The following TBC1D1 variants were observed in gnomAD, a reference collection of about 807,000 sequenced individuals.
TBC1D1 encodes TBC1 (tre-2/USP6, BUB2, cdc16) domain family, member 1.
TBC1D1 carries 89 observed loss-of-function variants against 125.6 expected under a neutral mutation model. The observed-to-expected ratio is 0.71, with a 90% CI of 0.60 to 0.85. The LOEUF is 0.85. Among genes scored for constraint, TBC1D1 ranks in the 40% least tolerant of loss-of-function variants. The probability of loss-of-function intolerance (pLI) is 0.00; values close to 1 mark genes in which losing one functional copy is unlikely to be tolerated. For synonymous variants in TBC1D1, 565 were observed against 564.1 expected (o/e 1.00, Z -0.02); for missense variants, 1,377 against 1,469.2 (o/e 0.94, Z 1.03).
At chr4:37,960,564 C>T (rs764174116) in intron 2 of TBC1D1, 20 of 1,614,022 alleles carry the variant, frequency 1.2e-5, no homozygotes, top group African/African-American at 2.7e-5. Flanking sequence ...AGTTTTAACA[C>T]GACGTTTTGG....
At chr4:37,975,989 A>G (rs986821312) in intron 2 of TBC1D1, among the ~76,000 whole-genome samples, 1 of 151,984 alleles carries the variant, frequency 6.6e-6, no homozygotes, top group African/African-American at 2.4e-5. Context: ...TCATGTCCTT[A>G]TATTATCTCC....
chr4:37,933,433 T>TACACACACACACACACAC (rs3038289), intron 2 of TBC1D1, among the ~76,000 whole-genome samples: 2 of 147,262 alleles, frequency 1.4e-5, no homozygotes, highest in Non-Finnish European at 3.0e-5. Flanking sequence ...ACATATGTTT[T>TACACACACACACACACAC]ACACACACAC....
chr4:37,954,926 G>A (rs909523954), intron 2 of TBC1D1, among the ~76,000 whole-genome samples: 1 of 121,632 alleles, frequency 8.2e-6, no homozygotes, highest in Non-Finnish European at 1.6e-5. Flanking sequence ...TCTCTCTGTC[G>A]TCCAGGCTGG....
rs1181142505 is a variant in TBC1D1, at chr4:38,118,108, A to C, written c.2878A>C (p.Ile960Leu). The change falls in exon 17 of 20, where the codon ATC (isoleucine) becomes CTC (leucine). Residue 960 changes from isoleucine (I) to leucine (L), a missense_variant. Coordinates refer to ENST00000261439, the MANE Select transcript of TBC1D1 (RefSeq NM_015173.4). Reference sequence around the variant, plus strand: ...CTACAATCACCTGGAGGAGCACGAGATCGGCCCCAGCCTCTACGCTGCCCC... The same window carrying C: ...CTACAATCACCTGGAGGAGCACGAGCTCGGCCCCAGCCTCTACGCTGCCCC... 6.2e-7 allele frequency: 1 copy of C among 1,613,942 alleles called. No individual in the cohort carries two copies. The highest frequency in any genetic ancestry group is 2.2e-5 in the East Asian group (1 of 44,892).
intron 2 of TBC1D1, among the ~76,000 whole-genome samples, chr4:37,966,554 C>T (rs1016516093): frequency 1.3e-5 from 2 of 152,344 alleles, no homozygotes; most frequent in Admixed American, 6.5e-5. Context: ...TCTCTAGCTA[C>T]GCATAGAGAC....
chr4:38,072,925 C>A (rs1488047331), intron 12 of TBC1D1, among the ~76,000 whole-genome samples: 3 of 152,304 alleles, frequency 2.0e-5, no homozygotes, highest in Admixed American at 2.0e-4. Flanking sequence ...GGTTCATTCA[C>A]GTTGTAGCAT....
chr4:38,110,692 C>T (rs1458377915), intron 15 of TBC1D1: 1 of 985,434 alleles, frequency 1.0e-6, no homozygotes. Flanking sequence ...AGGTAATCTG[C>T]TTTACAGAAA....
intron 12 of TBC1D1, among the ~76,000 whole-genome samples, chr4:38,077,382 G>A (rs1755774971): frequency 6.6e-6 from 1 of 152,144 alleles, no homozygotes; most frequent in African/African-American, 2.4e-5. Context: ...CAGCTATTGA[G>A]GAGAAGAGTC....
chr4:38,128,129 G>A (rs1344621828), intron 18 of TBC1D1, among the ~76,000 whole-genome samples: 1 of 152,214 alleles, frequency 6.6e-6, no homozygotes, highest in Non-Finnish European at 1.5e-5. Context: ...ACAGGAATGA[G>A]AGCAGAGAGC....
At chr4:38,069,549 CTCTT>C (rs966264423) in intron 12 of TBC1D1, among the ~76,000 whole-genome samples, 3 of 152,164 alleles carry the variant, frequency 2.0e-5, no homozygotes, top group Non-Finnish European at 2.9e-5. Context: ...CTCTGGATCT[CTCTT>C]TGAGGCCATG....
intron 2 of TBC1D1, among the ~76,000 whole-genome samples, chr4:37,960,252 C>T (rs978508549): frequency 2.6e-5 from 4 of 152,212 alleles, no homozygotes; most frequent in African/African-American, 9.7e-5. Context: ...GAGATTCCTA[C>T]CCAGGTTTGT....
At chr4:38,002,149 C>A (rs909410473) in intron 2 of TBC1D1, among the ~76,000 whole-genome samples, 1 of 152,090 alleles carries the variant, frequency 6.6e-6, no homozygotes, top group Non-Finnish European at 1.5e-5. Flanking sequence ...TGTCTCTCAC[C>A]TAAGACTAAT....
chr4:38,053,141 A>G, intron 11 of TBC1D1: 1 of 1,533,112 alleles, frequency 6.5e-7, no homozygotes, highest in Non-Finnish European at 8.8e-7. Flanking sequence ...AAAAAACTTC[A>G]TTCTTCTTCC....
At chr4:38,088,023 C>G (rs1757831206) in intron 12 of TBC1D1, among the ~76,000 whole-genome samples, 1 of 150,302 alleles carries the variant, frequency 6.7e-6, no homozygotes, top group Non-Finnish European at 1.5e-5. Context: ...CCATGCCAGC[C>G]AGAACACATC....
At chr4:38,056,874 G>A (rs1751812325) in intron 12 of TBC1D1, among the ~76,000 whole-genome samples, 1 of 152,170 alleles carries the variant, frequency 6.6e-6, no homozygotes, top group Admixed American at 6.5e-5. Context: ...TACCTATAAA[G>A]TATTCATCAG....
chr4:38,079,748 T>C (rs1756233355), intron 12 of TBC1D1, among the ~76,000 whole-genome samples: 1 of 152,042 alleles, frequency 6.6e-6, no homozygotes. Context: ...AAGCAAGTTA[T>C]ATTACATTTT....
chr4:37,996,284 A>G lies in TBC1D1; in HGVS notation c.418-18225A>G, dbSNP rs558147091. ...CATTCACAGCCTGACTGTTATAAAT[A>G]TATATTGAAGTTATCTAACATTTAT... On this transcript the variant is annotated intron_variant, in intron 2 of 19. Coordinates refer to ENST00000261439, the MANE Select transcript of TBC1D1 (RefSeq NM_015173.4). The G allele has an allele frequency of 3.3e-5, 8 of 244,402 alleles. No individual in the cohort carries two copies. In the East Asian group the frequency reaches 7.0e-4, roughly 21 times the overall value. 15.1% of individuals were successfully genotyped at this position (244,402 alleles called of 1,614,324 possible).
intron 12 of TBC1D1, among the ~76,000 whole-genome samples, chr4:38,069,089 T>C (rs1179467231): frequency 6.6e-6 from 1 of 152,212 alleles, no homozygotes; most frequent in Non-Finnish European, 1.5e-5. Context: ...GGGACTGTCA[T>C]GTATCCAGGT....
chr4:37,947,766 G>A (rs1179210511), intron 2 of TBC1D1, among the ~76,000 whole-genome samples: 1 of 152,174 alleles, frequency 6.6e-6, no homozygotes, highest in African/African-American at 2.4e-5. Flanking sequence ...ACAAAGTAGA[G>A]GGAAGGATGG....
Sources: allele counts gnomAD v4.1 joint callset (sites outside exome capture counted in the v4.1 genomes callset), GRCh38; gene constraint gnomAD v4.1.1; transcripts MANE v1.5; gene names NCBI Gene and HGNC (gene_info 2026-07-23, HGNC 2026-07-21).